Variants in SNCAIP observed in about 807,000 individuals in gnomAD.
The protein encoded by SNCAIP is synphilin-1.
SNCAIP carries 43 observed loss-of-function variants against 86.7 expected under a neutral mutation model. The ratio of observed to expected loss-of-function variants is 0.50; its 90% CI spans 0.39 to 0.64. SNCAIP has a LOEUF of 0.64. Ranked by LOEUF, SNCAIP falls within the 30% of genes least tolerant of loss-of-function variation. The pLI, the probability that SNCAIP is intolerant of heterozygous loss-of-function variation, is 0.00. For synonymous variants in SNCAIP, 417 were observed against 427.2 expected, an observed-to-expected ratio of 0.98 and a Z score of 0.29; for missense variants, 981 against 1,103.1, an observed-to-expected ratio of 0.89 and a Z score of 1.57.
intron 1 of SNCAIP, among the ~76,000 whole-genome samples, chr5:122,385,772 A>G (rs1768010168): frequency 6.6e-6 from 1 of 151,854 alleles, no homozygotes. Flanking sequence ...GTAAAGAAAT[A>G]AGTTGTAATG....
At chr5:122,397,536 TATG>T (rs1429574373) in intron 2 of SNCAIP, among the ~76,000 whole-genome samples, 7 of 152,136 alleles carry the variant, frequency 4.6e-5, no homozygotes, top group African/African-American at 1.4e-4. Context: ...AGAATGAAGA[TATG>T]ATAAAAATAA....
intron 1 of SNCAIP, among the ~76,000 whole-genome samples, chr5:122,382,912 G>T (rs1767210809): frequency 6.6e-6 from 1 of 152,184 alleles, no homozygotes; most frequent in African/African-American, 2.4e-5. Flanking sequence ...CAGATCTCCA[G>T]CTGCGTGCTG....
intron 1 of SNCAIP, among the ~76,000 whole-genome samples, chr5:122,366,370 G>C (rs1763198574): frequency 6.6e-6 from 1 of 151,950 alleles, no homozygotes; most frequent in African/African-American, 2.4e-5. Context: ...GAGAAAGAGA[G>C]ACAGAGAAAG....
In SNCAIP at chr5:122,432,063, A is replaced by G. The variant is rs1166255459; in HGVS notation, c.1277A>G (p.Tyr426Cys). 1 of 1,573,102 alleles carries G rather than the reference A, an allele frequency of 6.4e-7. No individual in the cohort carries two copies. The highest frequency in any genetic ancestry group is 1.7e-5 in the Admixed American group (1 of 59,844). The part of the protein sequence containing the change: ...CSKDFPSLIH[Y>C]AGCYGQEKIL... Reference sequence around the variant, plus strand: ...AAGGATTTTCCAAGCCTTATTCATTACGCAGGTTGCTATGGCCAGGTATGA... The same window carrying G: ...AAGGATTTTCCAAGCCTTATTCATTGCGCAGGTTGCTATGGCCAGGTATGA... The change falls in exon 6 of 11, where the codon TAC (tyrosine) becomes TGC (cysteine). Residue 426 changes from tyrosine (Y) to cysteine (C), a missense_variant. By Grantham distance (194) the Tyr-to-Cys change is radical. Transcript: ENST00000261368.
At chr5:122,344,738 A>T (rs1758260370) in intron 1 of SNCAIP, among the ~76,000 whole-genome samples, 1 of 152,224 alleles carries the variant, frequency 6.6e-6, no homozygotes, top group Non-Finnish European at 1.5e-5. Flanking sequence ...TTGAATTTCA[A>T]GTAAGTAACA....
chr5:122,335,196 G>A (rs1243090120), intron 1 of SNCAIP, among the ~76,000 whole-genome samples: 2 of 152,066 alleles, frequency 1.3e-5, no homozygotes, highest in East Asian at 3.9e-4. Flanking sequence ...TTGTTGTTAG[G>A]AGGAAAAACA....
Position 122,463,754 on chromosome 5 carries a change from A to G in SNCAIP, c.*258A>G, listed in dbSNP as rs1787044015. 2.3e-6 allele frequency: 1 copy of G among 426,550 alleles called. No homozygotes were observed. The highest frequency in any genetic ancestry group is 4.0e-5 in the Admixed American group (1 of 24,784). 26.4% of individuals were successfully genotyped at this position (426,550 alleles called of 1,614,324 possible). The stretch of plus-strand genomic sequence containing the variant: ...AGATTCATTTTGGGGTGATATCTGT[A>G]TATATAACTTGTTTTTTTAAAAGAT... On this transcript the variant is annotated 3_prime_UTR_variant, in exon 11 of 11. Transcript: ENST00000261368.
At chr5:122,406,300 A>T (rs1772967043) in intron 3 of SNCAIP, among the ~76,000 whole-genome samples, 1 of 152,206 alleles carries the variant, frequency 6.6e-6, no homozygotes, top group Non-Finnish European at 1.5e-5. Context: ...AGCCACATAG[A>T]AGGAGTTTGC....
intron 1 of SNCAIP, among the ~76,000 whole-genome samples, chr5:122,353,823 C>A (rs1049889597): frequency 6.6e-6 from 1 of 151,918 alleles, no homozygotes; most frequent in African/African-American, 2.4e-5. Flanking sequence ...TTATCAGCAG[C>A]GTGAAAATGG....
At chr5:122,348,673 C>A (rs1489946563) in intron 1 of SNCAIP, among the ~76,000 whole-genome samples, 1 of 151,954 alleles carries the variant, frequency 6.6e-6, no homozygotes, top group Non-Finnish European at 1.5e-5. Flanking sequence ...CACATATAAA[C>A]CCATTGACAA....
chr5:122,326,073 G>C (rs1753954109), intron 1 of SNCAIP, among the ~76,000 whole-genome samples: 1 of 152,180 alleles, frequency 6.6e-6, no homozygotes, highest in South Asian at 2.1e-4. Flanking sequence ...AATAATTGGG[G>C]TGAAATATTG....
chr5:122,445,448 A>G (rs1782064759), intron 8 of SNCAIP, among the ~76,000 whole-genome samples: 1 of 152,090 alleles, frequency 6.6e-6, no homozygotes, highest in African/African-American at 2.4e-5. Context: ...GTCTCTGGCA[A>G]GTTGAAGGAC....
At chr5:122,455,579 G>C (rs776307292) in intron 10 of SNCAIP, among the ~76,000 whole-genome samples, 2 of 152,152 alleles carry the variant, frequency 1.3e-5, no homozygotes, top group East Asian at 3.8e-4. Context: ...CCTCTACATG[G>C]CCCTATCAGC....
At chr5:122,377,933 C>G (rs1283621223) in intron 1 of SNCAIP, among the ~76,000 whole-genome samples, 1 of 152,042 alleles carries the variant, frequency 6.6e-6, no homozygotes, top group Non-Finnish European at 1.5e-5. Context: ...GCAATCCAGT[C>G]TGTCATTGTT....
At chr5:122,418,950 C>A (rs1486667783) in intron 3 of SNCAIP, among the ~76,000 whole-genome samples, 1 of 151,956 alleles carries the variant, frequency 6.6e-6, no homozygotes, top group African/African-American at 2.4e-5. Context: ...CCAGTGTGGT[C>A]CAGCCAGTTT....
intron 6 of SNCAIP, 51 bp from the exon 7 acceptor site, chr5:122,440,578 T>G: frequency 6.3e-7 from 1 of 1,579,050 alleles, no homozygotes; most frequent in Non-Finnish European, 8.7e-7. Context: ...TCTTTTTATC[T>G]AACTTCTCTG....
At chr5:122,364,406 G>T (rs550555254) in intron 1 of SNCAIP, among the ~76,000 whole-genome samples, 2 of 152,078 alleles carry the variant, frequency 1.3e-5, no homozygotes, top group Non-Finnish European at 2.9e-5. Flanking sequence ...CCCTCTCTTG[G>T]GGTCTGGATC....
At chr5:122,362,201 C>A (rs533816397) in intron 1 of SNCAIP, among the ~76,000 whole-genome samples, 1 of 152,172 alleles carries the variant, frequency 6.6e-6, no homozygotes, top group Non-Finnish European at 1.5e-5. Context: ...TCTTATTTAA[C>A]CTTCACAATG....
chr5:122,377,540 AG>A (rs779215748), intron 1 of SNCAIP, among the ~76,000 whole-genome samples: 37 of 148,050 alleles, frequency 2.5e-4, no homozygotes, highest in Non-Finnish European at 4.5e-4. Context: ...AAGAGAGATC[AG>A]ATATTTTTTT....
Sources: allele counts gnomAD v4.1 joint callset (sites outside exome capture counted in the v4.1 genomes callset), GRCh38; gene constraint gnomAD v4.1.1; transcripts MANE v1.5; gene names NCBI Gene and HGNC (gene_info 2026-07-23, HGNC 2026-07-21).